ULK4: variants seen among roughly 807,000 people sequenced by gnomAD.
ULK4 encodes the protein unc-51 like kinase 4, also known as inactive serine/threonine-protein kinase ULK4.
ULK4 carries 133 observed loss-of-function variants against 160.6 expected under a neutral mutation model. That is an observed-to-expected ratio of 0.83 (90% confidence interval 0.72 to 0.96). ULK4 has a LOEUF of 0.96. Ranked by LOEUF, ULK4 falls within the 40% of genes least tolerant of loss-of-function variation. ULK4 has a pLI of 0.00. For synonymous variants in ULK4, 534 were observed against 539.8 expected (o/e 0.99, Z 0.15); for missense variants, 1,580 against 1,499.5 (o/e 1.05, Z -0.89).
intron 35 of ULK4, among the ~76,000 whole-genome samples, chr3:41,317,041 T>C (rs2080155630): frequency 6.6e-6 from 1 of 150,928 alleles, no homozygotes; most frequent in African/African-American, 2.4e-5. Context: ...GAAATTTTGA[T>C]GTAAAATAGG....
At chr3:41,765,842 G>T (rs1002050725) in intron 21 of ULK4, among the ~76,000 whole-genome samples, 6 of 152,148 alleles carry the variant, frequency 3.9e-5, no homozygotes, top group Non-Finnish European at 5.9e-5. Context: ...TAAAAAGTAT[G>T]TATGAACAGT....
chr3:41,527,299 GAGAAACAAGGGT>G (rs1047874155), intron 32 of ULK4, among the ~76,000 whole-genome samples: 38 of 152,322 alleles, frequency 2.5e-4, no homozygotes, highest in African/African-American at 8.9e-4. Context: ...GCATTACTGG[GAGAAACAAGGGT>G]AGAAATTCTG....
intron 21 of ULK4, among the ~76,000 whole-genome samples, chr3:41,771,633 T>A (rs1303044928): frequency 6.6e-6 from 1 of 152,102 alleles, no homozygotes; most frequent in Admixed American, 6.6e-5. Context: ...AAGCTACCCA[T>A]GTGGTAGGAA....
chr3:41,648,913 C>T (rs2034623081), intron 30 of ULK4, among the ~76,000 whole-genome samples: 2 of 152,068 alleles, frequency 1.3e-5, no homozygotes, highest in Admixed American at 6.6e-5. Flanking sequence ...GCGGGCAGAT[C>T]GTTTGAGCCC....
rs988797956 is a variant in ULK4 at position 41,556,848 on chromosome 3, GA to G, written c.3226+9176del. Among the ~76,000 whole-genome samples the G allele has an allele frequency of 1.7e-4, 26 of 150,832 alleles. No individual in the cohort carries two copies. The South Asian group carries it at 1.9e-3, about 11-fold the overall frequency. ...GAATTTTCGAGAAATACAGAAAGAGGAAAAAAAAATTTTAATGAAGCAATAT... is the reference window on the plus strand; with the variant it reads ...GAATTTTCGAGAAATACAGAAAGAGGAAAAAAAATTTTAATGAAGCAATAT... On this transcript the variant is annotated intron_variant, in intron 32 of 36. Transcript: ENST00000301831.
chr3:41,951,163 A>G (rs1395805283), intron 2 of ULK4, among the ~76,000 whole-genome samples: 13 of 150,796 alleles, frequency 8.6e-5, no homozygotes, highest in Non-Finnish European at 1.6e-4. Flanking sequence ...AAAAAAAAAA[A>G]AAAAAGACAC....
In ULK4 at chr3:41,953,333, A is replaced by G. The variant is rs1334277507; in HGVS notation, c.138+1289T>C. The stretch of plus-strand genomic sequence containing the variant: ...TTTTTTTTTTTTGAGATGGAGTCCC[A>G]CTCTTGTCACCCAGGCTGGGGTGCA... On this transcript the variant is annotated intron_variant, in intron 2 of 36. Coordinates refer to ENST00000301831, the MANE Select transcript of ULK4 (RefSeq NM_017886.4). Among the ~76,000 whole-genome samples, 5 of 123,708 alleles carry G rather than the reference A, an allele frequency of 4.0e-5. 1 individual carries two copies. Among genetic ancestry groups the G allele is most frequent in the Non-Finnish European group, 8.6e-5 (5 of 58,374 alleles). The allele number at this position is 123,708 out of a possible 152,430, so 81.2% of individuals were successfully genotyped here.
chr3:41,743,597 G>A (rs540004476), intron 22 of ULK4, among the ~76,000 whole-genome samples: 53 of 152,056 alleles, frequency 3.5e-4, no homozygotes, highest in African/African-American at 1.3e-3. Context: ...CATATTTGAT[G>A]ATTAAAAGCA....
At chr3:41,664,914 T>C (rs1370959194) in intron 29 of ULK4, among the ~76,000 whole-genome samples, 1 of 152,200 alleles carries the variant, frequency 6.6e-6, no homozygotes, top group Non-Finnish European at 1.5e-5. Context: ...TGTTTTCCCA[T>C]GTGATTTGCT....
At chr3:41,494,378 AG>A (rs1486939519) in intron 32 of ULK4, among the ~76,000 whole-genome samples, 2 of 134,400 alleles carry the variant, frequency 1.5e-5, no homozygotes, top group Non-Finnish European at 3.2e-5. Context: ...AAAATTCAAC[AG>A]CCCTTCACGC....
At chr3:41,903,961 C>A (rs564748344) in intron 12 of ULK4, among the ~76,000 whole-genome samples, 1 of 148,982 alleles carries the variant, frequency 6.7e-6, no homozygotes, top group Admixed American at 6.7e-5. Context: ...ACAATTGTGC[C>A]ACTGCACTCC....
At chr3:41,920,636 T>C (rs898426350) in intron 5 of ULK4, among the ~76,000 whole-genome samples, 4 of 152,142 alleles carry the variant, frequency 2.6e-5, no homozygotes, top group Non-Finnish European at 5.9e-5. Context: ...GCATTCCATC[T>C]AACTCCCGCC....
At chr3:41,748,317 C>CAT (rs969449044) in intron 22 of ULK4, among the ~76,000 whole-genome samples, 60 of 148,336 alleles carry the variant, frequency 4.0e-4, no homozygotes, top group East Asian at 3.7e-3. Context: ...ACGCACATAC[C>CAT]ATATATATAT....
intron 32 of ULK4, among the ~76,000 whole-genome samples, chr3:41,476,073 AAGG>A (rs1321800009): frequency 7.0e-6 from 1 of 142,744 alleles, no homozygotes; most frequent in Non-Finnish European, 1.5e-5. Flanking sequence ...GAGGGAGGGA[AAGG>A]AGGAGGGAGG....
rs1326852358 is a variant in ULK4 at position 41,775,445 on chromosome 3, C to T, written c.2193+14216G>A. ...ATGCAGTCTTGCTCTGTCACCCAGG[C>T]TGGAGTGCAGTGGTGCAATCTGGGC... On this transcript the variant is annotated intron_variant, in intron 21 of 36. Transcript: ENST00000301831. Among the ~76,000 whole-genome samples, 3 of 147,560 alleles carry T rather than the reference C, an allele frequency of 2.0e-5. 1 individual carries two copies. The highest frequency in any genetic ancestry group is 7.8e-5 in the African/African-American group (3 of 38,344).
chr3:41,849,648 G>A (rs942647229), intron 17 of ULK4, among the ~76,000 whole-genome samples: 3 of 152,110 alleles, frequency 2.0e-5, no homozygotes, highest in Admixed American at 2.0e-4. Flanking sequence ...TACAGACTTT[G>A]GGTGACAATA....
At chr3:41,578,280 G>A (rs1410098625) in intron 31 of ULK4, among the ~76,000 whole-genome samples, 2 of 152,138 alleles carry the variant, frequency 1.3e-5, no homozygotes, top group African/African-American at 4.8e-5. Context: ...AAGGCAACCT[G>A]GGTCTTTGTC....
chr3:41,319,275 A>C lies in ULK4; in HGVS notation c.3679-69701T>G, dbSNP rs962133186. Among the ~76,000 whole-genome samples, 34 of 152,228 alleles carry C rather than the reference A, an allele frequency of 2.2e-4. 1 individual carries two copies. Among genetic ancestry groups the C allele is most frequent in the Middle Eastern group, 6.8e-3 (2 of 294 alleles). ...GAAGTGCTTGTGACTTAAACTCTTC[A>C]ACTTATATACTCTTCAATTTACACA... On this transcript the variant is annotated intron_variant, in intron 35 of 36. Coordinates refer to ENST00000301831, the MANE Select transcript of ULK4 (RefSeq NM_017886.4).
chr3:41,896,596 T>C (rs530806140), intron 15 of ULK4, among the ~76,000 whole-genome samples: 6 of 152,228 alleles, frequency 3.9e-5, no homozygotes, highest in South Asian at 2.1e-4. Flanking sequence ...TAACATAAAA[T>C]GGAAACCTGA....
Sources: gnomAD v4.1 joint callset for allele counts (sites outside exome capture counted in the v4.1 genomes callset) on GRCh38, gnomAD v4.1.1 for gene constraint, MANE v1.5 for transcripts, NCBI Gene and HGNC (gene_info 2026-07-23, HGNC 2026-07-21) for gene names.